SUPT7L: variants seen among roughly 807,000 people sequenced by gnomAD.
The protein encoded by SUPT7L is SPT7 like, STAGA complex subunit gamma, also known as STAGA complex 65 subunit gamma.
Under a neutral mutation model 35.7 loss-of-function variants are expected in SUPT7L, and 15 were observed. The observed-to-expected ratio is 0.42, with a 90% CI of 0.28 to 0.65. The LOEUF is 0.65. SUPT7L is among the 30% of genes least tolerant of loss of function. The probability of loss-of-function intolerance (pLI) is 0.23; values close to 1 mark genes in which losing one functional copy is unlikely to be tolerated. For missense variants in SUPT7L, 434 were observed against 522.2 expected, an observed-to-expected ratio of 0.83 and a Z score of 1.65; for synonymous variants, 168 against 186.2, an observed-to-expected ratio of 0.90 and a Z score of 0.79.
At chr2:27,643,159 C>G in the SUPT7L span, among the ~76,000 whole-genome samples, 9 of 150,248 alleles carry the variant, frequency 6.0e-5, no homozygotes, top group African/African-American at 2.2e-4. This position sits in a 1 kb window ranked among gnomAD's most constrained non-coding sequence, Gnocchi z 4.0. Flanking sequence ...GTTTCTAACA[C>G]TTTTAACCCT....
rs1189970300 is a variant in SUPT7L, at chr2:27,653,666, G to A, written c.1064C>T (p.Ser355Phe). The A allele has an allele frequency of 6.2e-7, 1 of 1,614,146 alleles. No individual in the cohort carries two copies. The highest frequency in any genetic ancestry group is 8.5e-7 in the Non-Finnish European group (1 of 1,180,020). ...EPQESEEGNV[S>F]GHGVLGSDVF... ...ATCACTGCCCAGCACACCATGCCCA[G>A]AGACATTGCCTTCTTCACTTTCTTG... The change falls in exon 6 of 6, where the codon TCT (serine) becomes TTT (phenylalanine). Residue 355 changes from serine (S) to phenylalanine (F), a missense_variant. Physicochemically the swap from Ser to Phe is radical, Grantham distance 155. This residue lies in a region of SUPT7L where 159 missense variants were observed against 217.1 expected (regional missense o/e 0.73). Transcript: ENST00000337768.
downstream of SUPT7L, chr2:27,650,095 T>C (rs780014643): frequency 7.2e-7 from 1 of 1,391,578 alleles, no homozygotes; most frequent in Non-Finnish European, 1.0e-6. Context: ...TGAAAAAGAA[T>C]TGCCCTTTTT....
chr2:27,657,800 A>T lies in SUPT7L; in HGVS notation c.420-131T>A, dbSNP rs149360757. On this transcript the variant is annotated intron_variant, in intron 3 of 5. Transcript: ENST00000337768. The surrounding 1 kb of genome is among the most constrained non-coding windows in gnomAD (Gnocchi z 5.2). ...TCCAGGGAAATTCCATCCAAGTTAC[A>T]TAGCTCAGTTTCATCCTGCTGCTAT... 214 of 859,036 alleles carry T rather than the reference A, an allele frequency of 2.5e-4. 1 individual carries two copies. The African/African-American group carries it at 3.2e-3, about 13-fold the overall frequency. 53.2% of individuals were successfully genotyped at this position (859,036 alleles called of 1,614,324 possible).
At chr2:27,653,878 G>A in intron 5 of SUPT7L, 131 bp from the exon 6 acceptor site, 1 of 1,188,986 alleles carries the variant, frequency 8.4e-7, no homozygotes, top group Non-Finnish European at 1.2e-6. Context: ...TCTGTACTTG[G>A]CTGGAGAATA....
rs1484625990 is a variant in SUPT7L at position 27,657,673 on chromosome 2, A to G, written c.420-4T>C. Reference sequence around the variant, plus strand: ...AGTCACAGGTTCCCCTTTCCCACTGAAAGTGGAGATACGGTGGTGTTATTA... The same window carrying G: ...AGTCACAGGTTCCCCTTTCCCACTGGAAGTGGAGATACGGTGGTGTTATTA... On this transcript the variant is annotated splice_polypyrimidine_tract_variant and splice_region_variant and intron_variant, in intron 3 of 5. Transcript: ENST00000337768. The surrounding 1 kb of genome is among the most constrained non-coding windows in gnomAD (Gnocchi z 5.2). The G allele has an allele frequency of 1.9e-6, 3 of 1,609,154 alleles. No homozygotes were observed. The highest frequency in any genetic ancestry group is 1.1e-5 in the South Asian group (1 of 90,756).
downstream of SUPT7L, among the ~76,000 whole-genome samples, chr2:27,648,834 G>A (rs951142430): frequency 2.5e-4 from 38 of 151,768 alleles, no homozygotes; most frequent in Non-Finnish European, 5.3e-4. Context: ...ACGGGGTTTC[G>A]CCATGTTGGC....
intron 3 of SUPT7L, among the ~76,000 whole-genome samples, chr2:27,660,258 TCTCA>T (rs911599059): frequency 2.6e-5 from 4 of 151,502 alleles, no homozygotes; most frequent in African/African-American, 9.7e-5. Flanking sequence ...CCAGACAGGG[TCTCA>T]CTCAGTCACC....
At position 27,657,621 on chromosome 2, in the gene SUPT7L, C is replaced by T. The variant is rs774951336; in HGVS notation, c.468G>A (p.Gln156=). The T allele has an allele frequency of 1.2e-6, 2 of 1,614,048 alleles. No individual in the cohort carries two copies. Among genetic ancestry groups the T allele is most frequent in the East Asian group, 4.5e-5 (2 of 44,892 alleles). The change falls in exon 4 of 6, where the codon CAG becomes CAA. Residue 156 remains glutamine, a synonymous_variant. Transcript: ENST00000337768. This position sits in a 1 kb window ranked among gnomAD's most constrained non-coding sequence, Gnocchi z 5.2. ...TTGTGGCCACTGCCTGGTAGAGGAG[C>T]TGCCGACAGGAGTGCCAGCTGAGTT... is the stretch of plus-strand genomic sequence containing the variant. ...VTELSWHSCR[Q]LLYQAVATIL...
rs200392709 is a variant in SUPT7L at position 27,661,072 on chromosome 2, G to A, written c.331C>T (p.Leu111Phe). The A allele has an allele frequency of 3.1e-6, 5 of 1,614,180 alleles. No individual in the cohort carries two copies. In the South Asian group the frequency reaches 5.5e-5, roughly 18 times the overall value. Residue 111 changes from leucine (L) to phenylalanine (F), a missense_variant, in exon 3 of 6, where the codon CTC becomes TTC. By Grantham distance (22) the Leu-to-Phe change is conservative. Around this residue, in one of 3 missense-constraint regions of SUPT7L, gnomAD observed 198 missense variants for 190.8 expected, o/e 1.04. Coordinates refer to ENST00000337768, the MANE Select transcript of SUPT7L (RefSeq NM_014860.3). Reference protein sequence around the residue: ...PLPSCPGSPPLPDDLLPLDCK... With the variant: ...PLPSCPGSPPFPDDLLPLDCK... ...TCTAAAGGCAGGAGGTCATCAGGGA[G>A]AGGAGGTGACCCAGGGCACGAGGGA...
chr2:27,657,431 A>G lies in SUPT7L; in HGVS notation c.658T>C (p.Phe220Leu). Residue 220 changes from phenylalanine (F) to leucine (L), a missense_variant, in exon 4 of 6, where the codon TTC (phenylalanine) becomes CTC (leucine). Phe to Leu is a conservative substitution (Grantham distance 22, BLOSUM62 0). Coordinates refer to ENST00000337768, the MANE Select transcript of SUPT7L (RefSeq NM_014860.3). This position sits in a 1 kb window ranked among gnomAD's most constrained non-coding sequence, Gnocchi z 5.2. ...TPFPDVMEQV[F>L]HEVGIGSVLS... ...ACACTGCCAATACCCACTTCATGGA[A>G]TACCTGCTCCATCACATCAGGAAAA... 1 of 1,614,252 alleles carries G rather than the reference A, an allele frequency of 6.2e-7. No individual in the cohort carries two copies. Among genetic ancestry groups the G allele is most frequent in the Non-Finnish European group, 8.5e-7 (1 of 1,180,046 alleles).
intron 3 of SUPT7L, among the ~76,000 whole-genome samples, chr2:27,659,251 C>T (rs1674943368): frequency 1.3e-5 from 2 of 152,340 alleles, no homozygotes; most frequent in South Asian, 2.1e-4. Flanking sequence ...ATCTGGCCTT[C>T]ACCTGGCCCA....
rs1443338487 is a variant in SUPT7L at position 27,653,256 on chromosome 2, G to C, written c.*229C>G. 1.8e-6 allele frequency: 1 copy of C among 558,914 alleles called. No individual in the cohort carries two copies. The highest frequency in any genetic ancestry group is 3.2e-5 in the East Asian group (1 of 31,364). 34.6% of individuals were successfully genotyped at this position (558,914 alleles called of 1,614,324 possible). A position where few individuals can be genotyped will look rare whatever the true frequency, so the allele number is the denominator to read the frequency against. On this transcript the variant is annotated 3_prime_UTR_variant, in exon 6 of 6. Transcript: ENST00000337768. ...GTGCTTTGGTCTGATTGCCATGCCAGCATCATATTTTATCTGTGAAGGGTG... is the reference window on the plus strand; with the variant it reads ...GTGCTTTGGTCTGATTGCCATGCCACCATCATATTTTATCTGTGAAGGGTG...
chr2:27,661,667 TACACTGAACC>T, intron 2 of SUPT7L: 2 of 1,284,940 alleles, frequency 1.6e-6, no homozygotes, highest in Non-Finnish European at 2.0e-6. Context: ...CAATTCCTAC[TACACTGAACC>T]ACAGGGTAGA....
At chr2:27,655,731 G>C (rs1674773965) in intron 4 of SUPT7L, 129 bp from the exon 5 acceptor site, 1 of 811,544 alleles carries the variant, frequency 1.2e-6, no homozygotes, top group Non-Finnish European at 1.9e-6. Flanking sequence ...CTGCCAATGG[G>C]AGGGATTTGT....
chr2:27,656,664 G>T (rs1180231542), intron 4 of SUPT7L, among the ~76,000 whole-genome samples: 1 of 150,534 alleles, frequency 6.6e-6, no homozygotes, highest in Non-Finnish European at 1.5e-5. Flanking sequence ...ACAGGGTCTT[G>T]CTCTGTCACC....
At chr2:27,660,185 G>A (rs772135944) in intron 3 of SUPT7L, among the ~76,000 whole-genome samples, 1 of 151,872 alleles carries the variant, frequency 6.6e-6, no homozygotes, top group Non-Finnish European at 1.5e-5. Context: ...GCAGATCTTG[G>A]ACCAGATATT....
intron 5 of SUPT7L, 39 bp downstream of exon 5, chr2:27,655,326 A>G: frequency 6.7e-7 from 1 of 1,492,154 alleles, no homozygotes; most frequent in Non-Finnish European, 8.9e-7. Context: ...AAATTGGCAG[A>G]TCTCCCAGAA....
Position 27,653,470 on chromosome 2 carries a change from C to T in SUPT7L, c.*15G>A. The T allele has an allele frequency of 6.2e-7, 1 of 1,609,766 alleles. No homozygotes were observed. Among genetic ancestry groups the T allele is most frequent in the East Asian group, 2.2e-5 (1 of 44,812 alleles). ...GGTCTAGTAGGTCTGGACAAAACAT[C>T]TCCCTCTTTTCCTTTTATATTTTCC... is the stretch of plus-strand genomic sequence containing the variant. On this transcript the variant is annotated 3_prime_UTR_variant, in exon 6 of 6. Transcript: ENST00000337768.
chr2:27,661,574 C>G, intron 2 of SUPT7L, 186 bp from the exon 3 acceptor site: 2 of 1,426,078 alleles, frequency 1.4e-6, no homozygotes, highest in Non-Finnish European at 1.8e-6. Flanking sequence ...TCAGTGTCAG[C>G]AAAACTGTAG....
Sources: gnomAD v4.1 joint callset for allele counts (sites outside exome capture counted in the v4.1 genomes callset) on GRCh38, gnomAD v4.1.1 for gene constraint, gnomAD v4.1.1 regional missense constraint, Gnocchi (gnomAD v3.1) non-coding constraint, MANE v1.5 for transcripts, NCBI Gene and HGNC (gene_info 2026-07-23, HGNC 2026-07-21) for gene names.